CLDN16: variants seen among roughly 807,000 people sequenced by gnomAD.
The protein encoded by CLDN16 is claudin-16.
Under a neutral mutation model 24.6 loss-of-function variants are expected in CLDN16, and 13 were observed. The ratio of observed to expected loss-of-function variants is 0.53; its 90% CI spans 0.34 to 0.84. The LOEUF (loss-of-function observed/expected upper bound fraction) is 0.84, where lower values mean the gene tolerates loss of function less well. Among genes scored for constraint, CLDN16 ranks in the 40% least tolerant of loss-of-function variants. The probability of loss-of-function intolerance (pLI) is 0.01; values close to 1 mark genes in which losing one functional copy is unlikely to be tolerated. For missense variants in CLDN16, 298 were observed against 292.7 expected (o/e 1.02, Z -0.13); for synonymous variants, 116 against 106.7 (o/e 1.09, Z -0.54).
At chr3:190,402,615 C>A (rs1718993322) in intron 2 of CLDN16, among the ~76,000 whole-genome samples, 176 bp downstream of exon 2, 1 of 152,122 alleles carries the variant, frequency 6.6e-6, no homozygotes, top group Non-Finnish European at 1.5e-5. Flanking sequence ...TACTTCAGCA[C>A]ATTTTCTCTT....
chr3:190,368,170 A>G (rs1718063198), intron 1 of CLDN16, among the ~76,000 whole-genome samples: 1 of 151,952 alleles, frequency 6.6e-6, no homozygotes, highest in African/African-American at 2.4e-5. Context: ...ATTCAGCAGA[A>G]TTGATGATCT....
chr3:190,371,614 C>A (rs938234023), intron 2 of CLDN16, among the ~76,000 whole-genome samples: 7 of 151,610 alleles, frequency 4.6e-5, no homozygotes, highest in East Asian at 1.9e-4. Context: ...TGGTTTCCTT[C>A]AAAAAAAAGT....
chr3:190,330,543 C>A (rs376766735), intron 1 of CLDN16, among the ~76,000 whole-genome samples: 8 of 151,834 alleles, frequency 5.3e-5, no homozygotes, highest in African/African-American at 1.7e-4. Flanking sequence ...ACTAGTACTA[C>A]TTTCATCATC....
the CLDN16 span, among the ~76,000 whole-genome samples, chr3:190,299,048 A>T: frequency 6.6e-6 from 1 of 152,298 alleles, no homozygotes; most frequent in South Asian, 2.1e-4. Context: ...TTATTAGATC[A>T]ATTGGTGACC....
At chr3:190,330,269 T>G (rs1170941496) in intron 1 of CLDN16, among the ~76,000 whole-genome samples, 1 of 152,202 alleles carries the variant, frequency 6.6e-6, no homozygotes, top group African/African-American at 2.4e-5. Flanking sequence ...ATATTGGTTC[T>G]AAGGAATAAA....
At chr3:190,338,543 A>G (rs1446528282) in intron 1 of CLDN16, among the ~76,000 whole-genome samples, 1 of 152,198 alleles carries the variant, frequency 6.6e-6, no homozygotes, top group East Asian at 1.9e-4. Flanking sequence ...CGTGGTAACT[A>G]GGGAATCAAG....
chr3:190,313,079 C>A, the CLDN16 span: 1 of 1,610,032 alleles, frequency 6.2e-7, no homozygotes. Flanking sequence ...ATGCTTGGAC[C>A]AACAAGAGAA....
At position 190,404,953 on chromosome 3, in the gene CLDN16, G is replaced by A. The variant is rs779895832; in HGVS notation, c.382+27G>A. 1.9e-6 allele frequency: 3 copies of A among 1,611,678 alleles called. No homozygotes were observed. The Admixed American group carries it at 5.0e-5, about 27-fold the overall frequency. On this transcript the variant is annotated intron_variant, in intron 3 of 4. Coordinates refer to ENST00000264734, the MANE Select transcript of CLDN16 (RefSeq NM_006580.4). ...TACCGGTCTGGCTGGACTAGCAACAGGGGTAGGGAGACTCTGCTAAGGGCT... is the reference window on the plus strand; with the variant it reads ...TACCGGTCTGGCTGGACTAGCAACAAGGGTAGGGAGACTCTGCTAAGGGCT...
At chr3:190,387,268 C>T (rs1171207812), upstream of CLDN16, among the ~76,000 whole-genome samples, 1 of 151,904 alleles carries the variant, frequency 6.6e-6, no homozygotes, top group Non-Finnish European at 1.5e-5. Context: ...ATTAAGGATA[C>T]CTATTCAGAT....
At chr3:190,330,181 A>G (rs1255396404) in intron 1 of CLDN16, among the ~76,000 whole-genome samples, 2 of 152,182 alleles carry the variant, frequency 1.3e-5, no homozygotes, top group Non-Finnish European at 2.9e-5. Flanking sequence ...TCACTATTCT[A>G]AGCATTCTGC....
chr3:190,317,269 TA>T, the CLDN16 span, among the ~76,000 whole-genome samples: 2 of 152,156 alleles, frequency 1.3e-5, no homozygotes, highest in African/African-American at 4.8e-5. Context: ...TAGCAAACAT[TA>T]AAAAAATTAC....
chr3:190,354,771 C>A (rs994476420), intron 1 of CLDN16, among the ~76,000 whole-genome samples: 1 of 151,928 alleles, frequency 6.6e-6, no homozygotes, highest in Non-Finnish European at 1.5e-5. Flanking sequence ...AAACAGCTAG[C>A]GAGAAGCAGG....
intron 1 of CLDN16, among the ~76,000 whole-genome samples, chr3:190,398,067 C>T (rs996411867): frequency 2.6e-5 from 4 of 152,198 alleles, no homozygotes; most frequent in African/African-American, 7.2e-5. Context: ...TGCCTTCAAA[C>T]TTGTATCACC....
intron 3 of CLDN16, among the ~76,000 whole-genome samples, chr3:190,382,096 T>C (rs1718383117): frequency 6.6e-6 from 1 of 152,066 alleles, no homozygotes; most frequent in African/African-American, 2.4e-5. Flanking sequence ...TATTTCATAA[T>C]GAACATAGGA....
At chr3:190,387,851 ACACT>A, upstream of CLDN16, 1 of 507,660 alleles carries the variant, frequency 2.0e-6, no homozygotes, top group Non-Finnish European at 3.6e-6. Flanking sequence ...CAATAAAATA[ACACT>A]CAGTCAACCG....
the CLDN16 span, chr3:190,308,229 G>A: frequency 5.0e-6 from 8 of 1,601,726 alleles, no homozygotes; most frequent in Admixed American, 1.2e-4. Context: ...GTATCTCAAT[G>A]TCCATTTTCG....
intron 2 of CLDN16, among the ~76,000 whole-genome samples, chr3:190,372,415 G>C (rs1430733689): frequency 6.6e-6 from 1 of 151,878 alleles, no homozygotes; most frequent in Non-Finnish European, 1.5e-5. Context: ...GGCTGATGCT[G>C]TAGTATCACT....
chr3:190,366,758 A>G (rs1418201440), intron 1 of CLDN16, among the ~76,000 whole-genome samples: 2 of 151,934 alleles, frequency 1.3e-5, no homozygotes, highest in African/African-American at 2.4e-5. Context: ...GAGGGAGGGT[A>G]TCCTTAGGAA....
At position 190,404,199 on chromosome 3, in the gene CLDN16, T is replaced by G. The variant is rs367803907; in HGVS notation, c.218-563T>G. 2.6e-5 allele frequency among the ~76,000 whole-genome samples: 4 copies of G among 152,220 alleles called. No homozygotes were observed. The South Asian group carries it at 6.2e-4, about 24-fold the overall frequency. On this transcript the variant is annotated intron_variant, in intron 2 of 4. Transcript: ENST00000264734. ...AATGATCTAATTTCCAGAAATTACC[T>G]TCTACTTAATAGCACAAACTAACTC... is the stretch of plus-strand genomic sequence containing the variant.
Sources: gnomAD v4.1 joint callset for allele counts (sites outside exome capture counted in the v4.1 genomes callset) on GRCh38, gnomAD v4.1.1 for gene constraint, MANE v1.5 for transcripts, NCBI Gene and HGNC (gene_info 2026-07-23, HGNC 2026-07-21) for gene names.